The following RPS6KC1 variants were observed in gnomAD, a reference collection of about 807,000 sequenced individuals.
RPS6KC1 encodes ribosomal protein S6 kinase C1.
Under a neutral mutation model 103.8 loss-of-function variants are expected in RPS6KC1, and 54 were observed. The observed-to-expected ratio is 0.52, with a 90% confidence interval of 0.42 to 0.65. The LOEUF (loss-of-function observed/expected upper bound fraction) is 0.65. Among genes scored for constraint, RPS6KC1 ranks in the 30% least tolerant of loss-of-function variants. The probability of loss-of-function intolerance (pLI) is 0.00; values close to 1 mark genes in which losing one functional copy is unlikely to be tolerated. For missense variants in RPS6KC1, 1,151 were observed against 1,253.8 expected (o/e 0.92, Z 1.24); for synonymous variants, 439 against 438.7 (o/e 1.00, Z -0.01).
chr1:213,155,030 G>T (rs1479344989), intron 6 of RPS6KC1, among the ~76,000 whole-genome samples: 4 of 152,132 alleles, frequency 2.6e-5, no homozygotes, highest in African/African-American at 9.7e-5. Context: ...TCTGGCTCAG[G>T]GTGTGTATAG....
the RPS6KC1 span, among the ~76,000 whole-genome samples, chr1:213,661,586 C>T: frequency 1.3e-5 from 2 of 152,058 alleles, no homozygotes; most frequent in Non-Finnish European, 2.9e-5. Context: ...TTAAGAAATG[C>T]GATTGTATGA....
At chr1:213,137,793 A>G (rs1303796587) in intron 6 of RPS6KC1, among the ~76,000 whole-genome samples, 6 of 43,004 alleles carry the variant, frequency 1.4e-4, no homozygotes, top group Admixed American at 5.7e-4. Flanking sequence ...ATATATATAT[A>G]TATATATTTT....
chr1:213,231,243 A>G (rs2094097837), intron 9 of RPS6KC1, among the ~76,000 whole-genome samples: 1 of 152,228 alleles, frequency 6.6e-6, no homozygotes, highest in South Asian at 2.1e-4. Flanking sequence ...AGTTCTTAAG[A>G]GCTAAAATTT....
At chr1:213,772,624 G>T in the RPS6KC1 span, among the ~76,000 whole-genome samples, 1 of 134,128 alleles carries the variant, frequency 7.5e-6, no homozygotes, top group African/African-American at 2.7e-5. Context: ...CCGGGAAGAT[G>T]GAGTGGTTTC....
chr1:213,548,138 A>G, the RPS6KC1 span, among the ~76,000 whole-genome samples: 1 of 152,250 alleles, frequency 6.6e-6, no homozygotes, highest in Admixed American at 6.5e-5. Context: ...GTGTATTTAC[A>G]TGATACCAAG....
At chr1:213,754,471 G>A in the RPS6KC1 span, among the ~76,000 whole-genome samples, 1 of 152,168 alleles carries the variant, frequency 6.6e-6, no homozygotes, top group Non-Finnish European at 1.5e-5. Context: ...ACTGAATCAT[G>A]GGGGCAGAGT....
intron 2 of RPS6KC1, among the ~76,000 whole-genome samples, chr1:213,071,934 A>C (rs1444776005): frequency 1.3e-5 from 2 of 150,904 alleles, no homozygotes; most frequent in African/African-American, 4.9e-5. Flanking sequence ...GGAATTCTCT[A>C]TTTGTATTTA....
At chr1:213,768,119 G>T in the RPS6KC1 span, among the ~76,000 whole-genome samples, 2 of 152,124 alleles carry the variant, frequency 1.3e-5, no homozygotes, top group African/African-American at 4.8e-5. Context: ...TTCTGTTAGG[G>T]AGTACTGGCT....
At chr1:213,743,682 C>T in the RPS6KC1 span, among the ~76,000 whole-genome samples, 1 of 152,124 alleles carries the variant, frequency 6.6e-6, no homozygotes, top group African/African-American at 2.4e-5. Flanking sequence ...GAAAAGCTGG[C>T]AAGTAGGTAA....
At chr1:213,507,393 A>G in the RPS6KC1 span, among the ~76,000 whole-genome samples, 3 of 152,178 alleles carry the variant, frequency 2.0e-5, no homozygotes, top group African/African-American at 7.2e-5. Context: ...GGCCTCTTGC[A>G]GTTGACCTGG....
At chr1:213,840,165 T>A in the RPS6KC1 span, 1 of 152,146 alleles carries the variant, frequency 6.6e-6, no homozygotes. Flanking sequence ...TTCAAAGTCT[T>A]CTCTAATGTC....
the RPS6KC1 span, among the ~76,000 whole-genome samples, chr1:213,365,742 A>G: frequency 2.6e-5 from 4 of 152,158 alleles, no homozygotes; most frequent in Non-Finnish European, 5.9e-5. Context: ...CATATTCCAC[A>G]CCGATGTTCT....
chr1:213,369,448 G>A, the RPS6KC1 span, among the ~76,000 whole-genome samples: 2 of 152,226 alleles, frequency 1.3e-5, no homozygotes, highest in Admixed American at 6.5e-5. Context: ...TCCTGGGGGT[G>A]GGAAGGGCAC....
At chr1:213,757,141 C>T in the RPS6KC1 span, among the ~76,000 whole-genome samples, 1 of 152,146 alleles carries the variant, frequency 6.6e-6, no homozygotes, top group Non-Finnish European at 1.5e-5. Flanking sequence ...ATTAATTACT[C>T]CACAGCAGCC....
chr1:213,531,639 G>T, the RPS6KC1 span, among the ~76,000 whole-genome samples: 1 of 152,230 alleles, frequency 6.6e-6, no homozygotes, highest in Non-Finnish European at 1.5e-5. Flanking sequence ...GGACGAGCAA[G>T]GAAGCGGAAG....
At chr1:213,180,887 G>A (rs1210805439) in intron 8 of RPS6KC1, among the ~76,000 whole-genome samples, 1 of 152,178 alleles carries the variant, frequency 6.6e-6, no homozygotes, top group East Asian at 1.9e-4. Context: ...AGTGCTAAGA[G>A]AGTTTCTGAG....
At chr1:213,552,915 G>A in the RPS6KC1 span, among the ~76,000 whole-genome samples, 3 of 152,004 alleles carry the variant, frequency 2.0e-5, no homozygotes, top group Non-Finnish European at 4.4e-5. Context: ...GATCCACTGA[G>A]GTTTGGGCCA....
At chr1:213,101,995 A>G (rs555438217) in intron 3 of RPS6KC1, among the ~76,000 whole-genome samples, 33 of 152,280 alleles carry the variant, frequency 2.2e-4, no homozygotes, top group African/African-American at 6.0e-4. Flanking sequence ...AGATAATATT[A>G]GTGATAGGTA....
chr1:213,742,410 G>A, the RPS6KC1 span, among the ~76,000 whole-genome samples: 1 of 152,230 alleles, frequency 6.6e-6, no homozygotes, highest in Non-Finnish European at 1.5e-5. Context: ...TTTATGTGCT[G>A]TGAAATATTC....
Sources: allele counts gnomAD v4.1 joint callset (sites outside exome capture counted in the v4.1 genomes callset), GRCh38; gene constraint gnomAD v4.1.1; transcripts MANE v1.5; gene names NCBI Gene and HGNC (gene_info 2026-07-23, HGNC 2026-07-21).